Variants in PDE6C observed in about 807,000 individuals in gnomAD.
PDE6C encodes the protein cone cGMP-specific 3',5'-cyclic phosphodiesterase subunit alpha'.
A neutral mutation model predicts 113.1 loss-of-function variants in PDE6C; 75 were observed. The observed-to-expected ratio is 0.66, with a 90% CI of 0.55 to 0.80. The LOEUF is 0.80. Among genes scored for constraint, PDE6C ranks in the 30% least tolerant of loss-of-function variants. PDE6C has a pLI of 0.00. For missense variants in PDE6C, 912 were observed against 1,038.6 expected (o/e 0.88, Z 1.67); for synonymous variants, 375 against 363.7 (o/e 1.03, Z -0.35).
intron 21 of PDE6C, among the ~76,000 whole-genome samples, chr10:93,664,701 G>GT (rs2058681830): frequency 6.6e-6 from 1 of 152,060 alleles, no homozygotes; most frequent in African/African-American, 2.4e-5. Context: ...TTACTTCTGA[G>GT]TTTTTTTGCT....
In PDE6C at chr10:93,662,570, A is replaced by G. The variant is rs1554892199; in HGVS notation, c.2294A>G (p.Asp765Gly). Residue 765 changes from aspartate (D) to glycine (G), a missense_variant, in exon 20 of 22, where the codon GAC (aspartate) becomes GGC (glycine). Physicochemically the swap from Asp to Gly is moderately conservative, Grantham distance 94 (BLOSUM62 -1). Transcript: ENST00000371447. ...TATTTCTCTTTCTAGCCTATGATGG[A>G]CAGAAACAAAAGAGATGAATTACCT... ...VLQQQPIPMM[D>G]RNKRDELPKL... 6.8e-7 allele frequency: 1 copy of G among 1,480,226 alleles called. No individual in the cohort carries two copies. The highest frequency in any genetic ancestry group is 1.1e-5 in the South Asian group (1 of 88,356). The allele number at this position is 1,480,226 out of a possible 1,614,324, so 91.7% of individuals were successfully genotyped here.
intron 8 of PDE6C, among the ~76,000 whole-genome samples, chr10:93,631,425 C>A (rs2058500989): frequency 6.6e-6 from 1 of 152,230 alleles, no homozygotes; most frequent in South Asian, 2.1e-4. Flanking sequence ...CAGCCAGATA[C>A]CCTGCCAGGC....
intron 11 of PDE6C, among the ~76,000 whole-genome samples, chr10:93,638,880 G>C (rs554834367): frequency 1.3e-5 from 2 of 152,254 alleles, no homozygotes; most frequent in East Asian, 3.9e-4. Context: ...CAGGGGCTGG[G>C]GGAACCAGAA....
In PDE6C at chr10:93,625,138, C is replaced by T. The variant is rs539408212; in HGVS notation, c.865-437C>T. ...GAAAATTACCACCTGATACTCAAAT[C>T]GCATCAGGTTATGCTAGCAAGGAAA... On this transcript the variant is annotated intron_variant, in intron 4 of 21. Transcript: ENST00000371447. Among the ~76,000 whole-genome samples, 5 of 152,240 alleles carry T rather than the reference C, an allele frequency of 3.3e-5. No individual in the cohort carries two copies. The East Asian group carries it at 9.6e-4, about 29-fold the overall frequency.
Position 93,629,306 on chromosome 10 carries a change from G to T in PDE6C, c.1119+1G>T. On this transcript the variant is annotated splice_donor_variant, in intron 8 of 21. Coordinates refer to ENST00000371447, the MANE Select transcript of PDE6C (RefSeq NM_006204.4). LOFTEE classifies it high-confidence loss of function. ...TGCGGATGAATACTTCACATTTCAG[G>T]TAACTGCACTCTGGGTCAGACCTCA... The T allele has an allele frequency of 6.2e-7, 1 of 1,607,418 alleles. No individual in the cohort carries two copies. Among genetic ancestry groups the T allele is most frequent in the Non-Finnish European group, 8.5e-7 (1 of 1,173,966 alleles).
At chr10:93,659,672 A>G (rs906880438) in intron 18 of PDE6C, among the ~76,000 whole-genome samples, 4 of 152,180 alleles carry the variant, frequency 2.6e-5, no homozygotes, top group Non-Finnish European at 2.9e-5. Flanking sequence ...GACTTACTTA[A>G]TATCACTAGA....
chr10:93,641,649 A>C (rs1341137559), intron 14 of PDE6C, among the ~76,000 whole-genome samples: 1 of 152,156 alleles, frequency 6.6e-6, no homozygotes, highest in African/African-American at 2.4e-5. Context: ...GTCTCGAAAA[A>C]AATTAAAAAT....
chr10:93,629,537 G>T lies in PDE6C; in HGVS notation c.1119+232G>T, dbSNP rs148155155. ...GAGGGGACCTGCCACTCCTCCATTTGCTCACACTCCTGGTCATTTACGGCA... is the reference window on the plus strand; with the variant it reads ...GAGGGGACCTGCCACTCCTCCATTTTCTCACACTCCTGGTCATTTACGGCA... On this transcript the variant is annotated intron_variant, in intron 8 of 21. Transcript: ENST00000371447. Among the ~76,000 whole-genome samples, 321 of 152,274 alleles carry T rather than the reference G, an allele frequency of 2.1e-3. 1 individual carries two copies. Among genetic ancestry groups the T allele is most frequent in the Middle Eastern group, 6.8e-3 (2 of 294 alleles).
intron 1 of PDE6C, among the ~76,000 whole-genome samples, chr10:93,618,882 G>A (rs2058432458): frequency 6.6e-6 from 1 of 152,094 alleles, no homozygotes; most frequent in African/African-American, 2.4e-5. Flanking sequence ...TTTTTCTACG[G>A]GAAACCAGAC....
intron 6 of PDE6C, 45 bp from the exon 7 acceptor site, chr10:93,626,760 G>A: frequency 6.2e-7 from 1 of 1,606,170 alleles, no homozygotes; most frequent in Non-Finnish European, 8.5e-7. Context: ...TGCACATATT[G>A]CATTTCTCTA....
intron 15 of PDE6C, among the ~76,000 whole-genome samples, chr10:93,646,327 C>T (rs1262446713): frequency 6.6e-6 from 1 of 151,918 alleles, no homozygotes; most frequent in Non-Finnish European, 1.5e-5. Context: ...GGGCTCCGTG[C>T]ACCCCAAGCA....
At chr10:93,624,903 A>G (rs1377035260) in intron 4 of PDE6C, among the ~76,000 whole-genome samples, 1 of 152,176 alleles carries the variant, frequency 6.6e-6, no homozygotes, top group Non-Finnish European at 1.5e-5. Context: ...TGGCTGTTGC[A>G]GCTCAAATCA....
At chr10:93,623,025 T>C (rs552466285) in intron 4 of PDE6C, among the ~76,000 whole-genome samples, 2 of 152,330 alleles carry the variant, frequency 1.3e-5, no homozygotes, top group South Asian at 2.1e-4. Flanking sequence ...GTAAGACAAA[T>C]TGATCTTTGT....
chr10:93,655,610 CAA>C, intron 15 of PDE6C, 148 bp from the exon 16 acceptor site: 12,264 of 305,784 alleles, frequency 0.04, no homozygotes, highest in East Asian at 0.053. Context: ...AAAAGCAAGC[CAA>C]AAAAAAAAAA....
intron 11 of PDE6C, among the ~76,000 whole-genome samples, chr10:93,638,315 T>C (rs1267029932): frequency 6.6e-6 from 1 of 152,116 alleles, no homozygotes; most frequent in Admixed American, 6.6e-5. Flanking sequence ...AGACTGTTGG[T>C]CTTTGACCCT....
At chr10:93,625,160 G>A (rs1284222999) in intron 4 of PDE6C, among the ~76,000 whole-genome samples, 1 of 152,144 alleles carries the variant, frequency 6.6e-6, no homozygotes, top group Non-Finnish European at 1.5e-5. Context: ...TGCTAGCAAG[G>A]AAAAGACAGA....
At chr10:93,626,579 A>G (rs2134599142) in intron 5 of PDE6C, 61 bp from the exon 6 acceptor site, 2 of 938,806 alleles carry the variant, frequency 2.1e-6, no homozygotes, top group South Asian at 2.8e-5. Flanking sequence ...CAAGTTCCCC[A>G]ATGAAAAATG....
chr10:93,621,875 C>G, intron 3 of PDE6C, 57 bp from the exon 4 acceptor site: 2 of 1,494,638 alleles, frequency 1.3e-6, no homozygotes, highest in Middle Eastern at 1.8e-4. Context: ...GGTGAATGCT[C>G]TATCTCTCCA....
rs752301568 is a variant in PDE6C, at chr10:93,640,088, C to T, written c.1501C>T (p.Pro501Ser). Residue 501 changes from proline to serine, a missense_variant, in exon 12 of 22, where the codon CCA becomes TCA. Coordinates refer to ENST00000371447, the MANE Select transcript of PDE6C (RefSeq NM_006204.4). ...VAILKEDLPD[P>S]RSAELYEFRF... The stretch of plus-strand genomic sequence containing the variant: ...TCAACAGAAAGAGGACTTGCCAGAC[C>T]CACGCTCAGCAGAACTGTACGAATT... The T allele has an allele frequency of 6.2e-6, 10 of 1,613,952 alleles. No individual in the cohort carries two copies. The East Asian group carries it at 6.7e-5, about 11-fold the overall frequency.
Sources: allele counts gnomAD v4.1 joint callset (sites outside exome capture counted in the v4.1 genomes callset), GRCh38; gene constraint gnomAD v4.1.1; transcripts MANE v1.5; gene names NCBI Gene and HGNC (gene_info 2026-07-23, HGNC 2026-07-21).